Variants in PDE4B observed in about 807,000 individuals in gnomAD.
PDE4B encodes phosphodiesterase 4B.
PDE4B carries 20 observed loss-of-function variants against 82.2 expected under a neutral mutation model. The observed-to-expected ratio is 0.24, with a 90% CI of 0.17 to 0.35. The LOEUF (loss-of-function observed/expected upper bound fraction) is 0.35, where lower values mean the gene tolerates loss of function less well. Ranked by LOEUF, PDE4B falls within the 10% of genes least tolerant of loss-of-function variation. The pLI is 1.00. For synonymous variants in PDE4B, 320 were observed against 318.9 expected (o/e 1.00, Z -0.04); for missense variants, 655 against 907.2 (o/e 0.72, Z 3.57).
intron 1 of PDE4B, among the ~76,000 whole-genome samples, chr1:65,822,917 C>T (rs1423856284): frequency 6.6e-6 from 1 of 152,186 alleles, no homozygotes; most frequent in African/African-American, 2.4e-5. Flanking sequence ...CATACTAAGA[C>T]ACTGCTCAAG....
At chr1:65,989,996 G>A (rs1298593570) in intron 3 of PDE4B, among the ~76,000 whole-genome samples, 1 of 149,190 alleles carries the variant, frequency 6.7e-6, no homozygotes, top group African/African-American at 2.5e-5. Context: ...CAAAGAGTCC[G>A]ATTATCTTTT....
chr1:66,135,236 A>G (rs1202265973), intron 3 of PDE4B, among the ~76,000 whole-genome samples: 1 of 152,248 alleles, frequency 6.6e-6, no homozygotes, highest in African/African-American at 2.4e-5. Context: ...GTAGTTAAAG[A>G]ACAAAGATTA....
intron 3 of PDE4B, among the ~76,000 whole-genome samples, chr1:66,103,008 CAG>C (rs1645257483): frequency 6.6e-6 from 1 of 152,008 alleles, no homozygotes; most frequent in Non-Finnish European, 1.5e-5. Flanking sequence ...TTTATGAAAA[CAG>C]TATTTTTTTA....
intron 7 of PDE4B, among the ~76,000 whole-genome samples, chr1:66,310,056 A>G (rs1658560479): frequency 6.6e-6 from 1 of 152,122 alleles, no homozygotes; most frequent in South Asian, 2.1e-4. Context: ...CACCTACAAA[A>G]TTCAGGTGTC....
At chr1:66,354,689 G>C in intron 8 of PDE4B, 1 of 1,424,194 alleles carries the variant, frequency 7.0e-7, no homozygotes, top group Non-Finnish European at 9.1e-7. Context: ...GTTTGGCTTA[G>C]GAAATGCCAT....
chr1:65,815,090 G>A (rs902972741), intron 1 of PDE4B, among the ~76,000 whole-genome samples: 2 of 148,906 alleles, frequency 1.3e-5, no homozygotes, highest in African/African-American at 5.0e-5. Context: ...TAAGTTTTAC[G>A]GTACACGTGC....
intron 1 of PDE4B, among the ~76,000 whole-genome samples, chr1:65,866,258 G>A (rs1019225040): frequency 4.6e-5 from 7 of 151,908 alleles, no homozygotes; most frequent in African/African-American, 7.3e-5. Flanking sequence ...TTACATAAAT[G>A]TAAGTACAAT....
At position 66,053,140 on chromosome 1, in the gene PDE4B, C is replaced by G. The variant is rs74420873; in HGVS notation, c.281+134305C>G. 5.6e-3 allele frequency among the ~76,000 whole-genome samples: 858 copies of G among 152,244 alleles called. 7 individuals are homozygous for G. Among genetic ancestry groups the G allele is most frequent in the African/African-American group, 0.02 (833 of 41,540 alleles). On this transcript the variant is annotated intron_variant, in intron 3 of 16. Transcript: ENST00000341517. ...AGCAGGTATTTAAGTAGTTGAGATC[C>G]ATTTATCTTTCCTGAAATGCCTTAA... is the stretch of plus-strand genomic sequence containing the variant.
At chr1:66,102,300 C>T (rs539179498) in intron 3 of PDE4B, among the ~76,000 whole-genome samples, 4 of 152,000 alleles carry the variant, frequency 2.6e-5, no homozygotes, top group African/African-American at 9.7e-5. Flanking sequence ...ATTTCATCAT[C>T]GTGTTTTCGG....
chr1:66,315,662 G>A (rs1161739423), intron 7 of PDE4B, among the ~76,000 whole-genome samples: 2 of 152,076 alleles, frequency 1.3e-5, no homozygotes, highest in African/African-American at 4.8e-5. Flanking sequence ...ATTTCACCAT[G>A]TTGGTCAGGC....
chr1:65,883,787 G>A (rs1646737660), intron 1 of PDE4B, among the ~76,000 whole-genome samples: 1 of 152,200 alleles, frequency 6.6e-6, no homozygotes, highest in African/African-American at 2.4e-5. Context: ...GATATTGGCT[G>A]TGGGTTTGTC....
At chr1:66,250,200 T>C (rs1173090236) in intron 4 of PDE4B, among the ~76,000 whole-genome samples, 1 of 152,062 alleles carries the variant, frequency 6.6e-6, no homozygotes, top group Non-Finnish European at 1.5e-5. Flanking sequence ...TTCCCGCCCC[T>C]TTTTTTGCCT....
chr1:66,242,516 T>A (rs1168640517), intron 3 of PDE4B, among the ~76,000 whole-genome samples: 1 of 152,034 alleles, frequency 6.6e-6, no homozygotes, highest in Non-Finnish European at 1.5e-5. Flanking sequence ...GAAAGAAAAA[T>A]CTCCTCTGGT....
rs148086104 is a variant in PDE4B, at chr1:66,219,169, T to A, written c.282-28291T>A. Among the ~76,000 whole-genome samples, 1,280 of 152,242 alleles carry A rather than the reference T, an allele frequency of 8.4e-3. 25 individuals carry two copies. Among genetic ancestry groups the A allele is most frequent in the African/African-American group, 0.029 (1,203 of 41,570 alleles). On this transcript the variant is annotated intron_variant, in intron 3 of 16. Coordinates refer to ENST00000341517, the MANE Select transcript of PDE4B (RefSeq NM_002600.4). ...AATAAAGATAAGTAACTCAAAATTT[T>A]TCTAATATGATTTCTCCTGGAACAT...
chr1:66,268,384 C>CT (rs1655204986), intron 7 of PDE4B, among the ~76,000 whole-genome samples: 1 of 152,114 alleles, frequency 6.6e-6, no homozygotes, highest in Admixed American at 6.5e-5. Context: ...AAATACCCCT[C>CT]TTCGGCCAGG....
chr1:65,972,460 A>G (rs1650194988), intron 3 of PDE4B, among the ~76,000 whole-genome samples: 1 of 152,174 alleles, frequency 6.6e-6, no homozygotes, highest in Non-Finnish European at 1.5e-5. Context: ...ATAACATTTT[A>G]AAGGTTAGAT....
intron 3 of PDE4B, among the ~76,000 whole-genome samples, chr1:66,116,860 T>G (rs1311941854): frequency 6.6e-6 from 1 of 152,132 alleles, no homozygotes; most frequent in African/African-American, 2.4e-5. Flanking sequence ...CCACCGCACC[T>G]GGCATATATA....
chr1:66,290,163 A>G (rs1292600392), intron 7 of PDE4B, among the ~76,000 whole-genome samples: 1 of 152,146 alleles, frequency 6.6e-6, no homozygotes, highest in Admixed American at 6.6e-5. Context: ...TTAGGCAGAG[A>G]GATAAGTTTT....
intron 1 of PDE4B, among the ~76,000 whole-genome samples, chr1:65,860,875 C>T (rs150913044): frequency 0.026 from 3,966 of 152,286 alleles, 143 homozygotes; most frequent in East Asian, 0.12. Context: ...ATATCCTTCA[C>T]CCACTTTTTG....
Sources: allele counts gnomAD v4.1 joint callset (sites outside exome capture counted in the v4.1 genomes callset), GRCh38; gene constraint gnomAD v4.1.1; transcripts MANE v1.5; gene names NCBI Gene and HGNC (gene_info 2026-07-23, HGNC 2026-07-21).